SHROOM3: variants seen among roughly 807,000 people sequenced by gnomAD.
The protein encoded by SHROOM3 is shroom family member 3.
Under a neutral mutation model 138.6 loss-of-function variants are expected in SHROOM3, and 47 were observed. That is an observed-to-expected ratio of 0.34 (90% CI 0.27 to 0.43). The LOEUF is 0.43. SHROOM3 is among the 20% of genes least tolerant of loss of function. The probability of loss-of-function intolerance (pLI) is 1.00; values close to 1 mark genes in which losing one functional copy is unlikely to be tolerated. For missense variants in SHROOM3, 2,491 were observed against 2,596.5 expected, an observed-to-expected ratio of 0.96 and a Z score of 0.88; for synonymous variants, 1,062 against 1,063.3, an observed-to-expected ratio of 1.00 and a Z score of 0.02.
chr4:76,687,264 AT>A (rs1442287249), intron 2 of SHROOM3, among the ~76,000 whole-genome samples: 1 of 152,132 alleles, frequency 6.6e-6, no homozygotes, highest in Admixed American at 6.5e-5. Flanking sequence ...CTCACAAAAT[AT>A]TTTCGCATTT....
chr4:76,502,617 G>C (rs1732122880), intron 1 of SHROOM3, among the ~76,000 whole-genome samples: 1 of 152,218 alleles, frequency 6.6e-6, no homozygotes, highest in Non-Finnish European at 1.5e-5. Flanking sequence ...CAGAAGTGTT[G>C]AACGATTTTG....
At chr4:76,543,018 AGGGAATG>A (rs1355918156) in intron 1 of SHROOM3, among the ~76,000 whole-genome samples, 46 of 152,204 alleles carry the variant, frequency 3.0e-4, no homozygotes, top group Admixed American at 3.0e-3. Context: ...CCATCCAGCC[AGGGAATG>A]GTGGGGTGGG....
In SHROOM3 at chr4:76,756,548, T is replaced by A; in HGVS notation, c.4809T>A (p.Thr1603=). 6.2e-7 allele frequency: 1 copy of A among 1,613,604 alleles called. No homozygotes were observed. Among genetic ancestry groups the A allele is most frequent in the Non-Finnish European group, 8.5e-7 (1 of 1,180,000 alleles). Residue 1603 remains threonine, a synonymous_variant, in exon 8 of 11, where the codon ACT becomes ACA. Transcript: ENST00000296043. ...AGACACTGGCTTCCAGACTCCAAAC[T>A]TCTATCAAGGGTTCAGAGGCTGAGT... The part of the protein sequence containing the change: ...GSQTLASRLQ[T]SIKGSEAEST...
chr4:76,554,419 GTTT>G (rs33953968), intron 1 of SHROOM3, among the ~76,000 whole-genome samples: 249 of 121,724 alleles, frequency 2.0e-3, no homozygotes, highest in African/African-American at 7.0e-3. Context: ...TTTTGTTTGT[GTTT>G]TTTTTTTTTT....
At position 76,780,644 on chromosome 4, in the gene SHROOM3, T is replaced by C. The variant is rs1722710265; in HGVS notation, c.*1467T>C. Reference sequence around the variant, plus strand: ...ATGTAAGAATATCAAAATTGTAGTTTGGGTCTCCAGTAGAGATGTCTTTTG... The same window carrying C: ...ATGTAAGAATATCAAAATTGTAGTTCGGGTCTCCAGTAGAGATGTCTTTTG... On this transcript the variant is annotated 3_prime_UTR_variant, in exon 11 of 11. Transcript: ENST00000296043. 6.6e-6 allele frequency: 1 copy of C among 152,218 alleles called. No homozygotes were observed. 9.4% of individuals were successfully genotyped at this position (152,218 alleles called of 1,614,324 possible).
At chr4:76,564,689 C>T (rs1733663014) in intron 2 of SHROOM3, among the ~76,000 whole-genome samples, 1 of 152,180 alleles carries the variant, frequency 6.6e-6, no homozygotes, top group Non-Finnish European at 1.5e-5. Flanking sequence ...TGCTTACTGG[C>T]TATGCACTAA....
At chr4:76,612,999 A>G (rs1422264959) in intron 2 of SHROOM3, among the ~76,000 whole-genome samples, 3 of 152,228 alleles carry the variant, frequency 2.0e-5, no homozygotes, top group Non-Finnish European at 4.4e-5. Flanking sequence ...AGTTGAATCC[A>G]TGTAATATCA....
At chr4:76,720,582 AAAG>A (rs1229027654) in intron 3 of SHROOM3, among the ~76,000 whole-genome samples, 2 of 151,580 alleles carry the variant, frequency 1.3e-5, no homozygotes, top group Non-Finnish European at 2.9e-5. Context: ...ATTCTATACT[AAAG>A]AAGATATAAT....
rs566362479 is a variant in SHROOM3, at chr4:76,553,652, G to A, written c.169-1957G>A. Among the ~76,000 whole-genome samples the A allele has an allele frequency of 8.4e-4, 127 of 151,982 alleles. 1 individual carries two copies. Among genetic ancestry groups the A allele is most frequent in the Middle Eastern group, 3.4e-3 (1 of 294 alleles). On this transcript the variant is annotated intron_variant, in intron 1 of 10. Coordinates refer to ENST00000296043, the MANE Select transcript of SHROOM3 (RefSeq NM_020859.4). ...ATTACAGGTGTGTGCCACCACACCC[G>A]TCTAATTTTTGTATTTTTAGTAGAG...
chr4:76,701,509 C>T (rs965891713), intron 2 of SHROOM3, among the ~76,000 whole-genome samples: 6 of 152,110 alleles, frequency 3.9e-5, no homozygotes, highest in Non-Finnish European at 5.9e-5. Flanking sequence ...CTTTACTTGC[C>T]TTTTAGGATT....
At chr4:76,576,516 G>C (rs898285116) in intron 2 of SHROOM3, among the ~76,000 whole-genome samples, 1 of 152,158 alleles carries the variant, frequency 6.6e-6, no homozygotes, top group Non-Finnish European at 1.5e-5. Flanking sequence ...GTAGTAGGAG[G>C]CTGGTGGGGA....
At chr4:76,685,463 C>T (rs373094802) in intron 2 of SHROOM3, among the ~76,000 whole-genome samples, 25 of 152,118 alleles carry the variant, frequency 1.6e-4, no homozygotes, top group African/African-American at 5.8e-4. Flanking sequence ...TCCTGGGCCA[C>T]ATGCGGCCTG....
intron 1 of SHROOM3, among the ~76,000 whole-genome samples, chr4:76,456,616 C>G (rs957767457): frequency 6.6e-6 from 1 of 152,080 alleles, no homozygotes; most frequent in Non-Finnish European, 1.5e-5. Context: ...GCAAAAACTT[C>G]GAAAAATCTA....
chr4:76,569,737 A>G (rs1733797986), intron 2 of SHROOM3, among the ~76,000 whole-genome samples: 1 of 151,674 alleles, frequency 6.6e-6, no homozygotes, highest in East Asian at 1.9e-4. Flanking sequence ...TCTTTAGACA[A>G]CTTGCATCAA....
At chr4:76,609,782 A>G (rs761550512) in intron 2 of SHROOM3, among the ~76,000 whole-genome samples, 11 of 152,242 alleles carry the variant, frequency 7.2e-5, no homozygotes, top group Non-Finnish European at 1.5e-4. Flanking sequence ...TAGAGAGTCT[A>G]GAATATCATG....
chr4:76,512,235 T>G (rs1274079875), intron 1 of SHROOM3, among the ~76,000 whole-genome samples: 1 of 152,182 alleles, frequency 6.6e-6, no homozygotes, highest in Non-Finnish European at 1.5e-5. Context: ...TTCTGATAGA[T>G]GCCACATGAC....
chr4:76,686,861 T>C (rs981104748), intron 2 of SHROOM3, among the ~76,000 whole-genome samples: 11 of 152,162 alleles, frequency 7.2e-5, no homozygotes, highest in African/African-American at 1.9e-4. Context: ...GCTGCCAGTG[T>C]TGTGGGTTCT....
intron 1 of SHROOM3, among the ~76,000 whole-genome samples, chr4:76,518,119 G>T (rs1266541286): frequency 6.6e-6 from 1 of 152,170 alleles, no homozygotes; most frequent in Admixed American, 6.5e-5. Context: ...TTGTGTGTGT[G>T]TATGTGTGTG....
intron 1 of SHROOM3, among the ~76,000 whole-genome samples, chr4:76,535,493 G>A (rs914579951): frequency 2.0e-5 from 3 of 152,166 alleles, no homozygotes; most frequent in Non-Finnish European, 4.4e-5. Context: ...AATCCCAACT[G>A]GAAGTTATGG....
Sources: allele counts gnomAD v4.1 joint callset (sites outside exome capture counted in the v4.1 genomes callset), GRCh38; gene constraint gnomAD v4.1.1; transcripts MANE v1.5; gene names NCBI Gene and HGNC (gene_info 2026-07-23, HGNC 2026-07-21).